NAPRT: variants seen among roughly 807,000 people sequenced by gnomAD.
NAPRT encodes nicotinate phosphoribosyltransferase, also known as FHA-HIT-interacting protein.
In NAPRT, 66 loss-of-function variants were observed where a neutral mutation model predicts 60.7. That is an observed-to-expected ratio of 1.09 (90% CI 0.89 to 1.33). The LOEUF is 1.33. Ranked by LOEUF, NAPRT falls within the 40% of genes most tolerant of loss-of-function variation. The pLI is 0.00. For missense variants in NAPRT, 818 were observed against 731.5 expected (o/e 1.12, Z -1.36); for synonymous variants, 405 against 335.7 (o/e 1.21, Z -2.26).
chr8:143,575,162 G>A, intron 11 of NAPRT, 29 bp downstream of exon 11: 1 of 1,592,632 alleles, frequency 6.3e-7, no homozygotes, highest in Non-Finnish European at 8.5e-7. Context: ...CGGGGCTGGG[G>A]GTCAGGATGA....
Position 143,577,137 on chromosome 8 carries a change from T to TC in NAPRT, c.608dup (p.Gly204ArgfsTer24), listed in dbSNP as rs1246440590. On this transcript the variant is annotated frameshift_variant, in exon 5 of 13. Coordinates refer to ENST00000449291, the MANE Select transcript of NAPRT (RefSeq NM_145201.6). LOFTEE classifies it high-confidence loss of function. ...CCAGGGTCCCGGCCACCGGCACACC[T>TC]CGCAGCTGGCCCGCTAGCACGTTGC... 11 of 1,612,762 alleles carry TC rather than the reference T, an allele frequency of 6.8e-6. No homozygotes were observed. The African/African-American group carries it at 1.3e-4, about 20-fold the overall frequency.
chr8:143,578,014 G>C lies in NAPRT; in HGVS notation c.227-71C>G, dbSNP rs1483460795. ...GTCGTGGGACATGGGGGGTTCCACG[G>C]GGGGACAAGGACTTCCACCGGCCAT... On this transcript the variant is annotated intron_variant, in intron 1 of 12. Transcript: ENST00000449291. 3.2e-6 allele frequency: 5 copies of C among 1,544,234 alleles called. No homozygotes were observed. In the African/African-American group the frequency reaches 4.1e-5, roughly 13 times the overall value.
At position 143,578,154 on chromosome 8, in the gene NAPRT, G is replaced by A. The variant is rs757799544; in HGVS notation, c.165C>T (p.Ala55=). 4.6e-6 allele frequency: 7 copies of A among 1,520,950 alleles called. No individual in the cohort carries two copies. The highest frequency in any genetic ancestry group is 1.9e-4 in the Middle Eastern group (1 of 5,148). The allele number at this position is 1,520,950 out of a possible 1,614,324, so 94.2% of individuals were successfully genotyped here. A position where few individuals can be genotyped will look rare whatever the true frequency, so the allele number is the denominator to read the frequency against. ...FRRCPFGGAF[A]LAAGLRDCVR... ...CACAGTCGCGCAAGCCGGCGGCCAA[G>A]GCGAAGGCGCCGCCGAACGGGCAGC... is the stretch of plus-strand genomic sequence containing the variant. Residue 55 remains alanine (A), a synonymous_variant, in exon 1 of 13, where the codon GCC becomes GCT. Coordinates refer to ENST00000449291, the MANE Select transcript of NAPRT (RefSeq NM_145201.6).
intron 6 of NAPRT, 27 bp from the exon 7 acceptor site, chr8:143,576,599 G>GGCTGCTGAGGT (rs777289703): frequency 1.2e-5 from 20 of 1,606,096 alleles, no homozygotes; most frequent in Middle Eastern, 1.7e-4. Flanking sequence ...GGGAGTCAGA[G>GGCTGCTGAGGT]GCTGCTGAGG....
Position 143,575,438 on chromosome 8 carries a change from G to C in NAPRT, c.1276C>G (p.Leu426Val). Reference protein sequence around the residue: ...TLPGSKAAFRLLGSDGSPLMD... With the variant: ...TLPGSKAAFRVLGSDGSPLMD... Reference sequence around the variant, plus strand: ...AGGGCCTCACCGTCAGAGCCCAGGAGCCGGAAAGCAGCCTTGCTCCCAGGC... The same window carrying C: ...AGGGCCTCACCGTCAGAGCCCAGGACCCGGAAAGCAGCCTTGCTCCCAGGC... Residue 426 changes from leucine to valine, a missense_variant, in exon 10 of 13, where the codon CTC (leucine) becomes GTC (valine). Leu to Val is a conservative substitution (Grantham distance 32). Coordinates refer to ENST00000449291, the MANE Select transcript of NAPRT (RefSeq NM_145201.6). The C allele has an allele frequency of 1.3e-5, 21 of 1,591,290 alleles. No homozygotes were observed. Among genetic ancestry groups the C allele is most frequent in the East Asian group, 2.3e-5 (1 of 44,186 alleles).
At chr8:143,576,274 C>CT in intron 7 of NAPRT, 112 bp from the exon 8 acceptor site, 1 of 1,377,342 alleles carries the variant, frequency 7.3e-7, no homozygotes. Flanking sequence ...TGCTCACCTT[C>CT]TGCTTGGGAG....
At position 143,577,375 on chromosome 8, in the gene NAPRT, C is replaced by A; in HGVS notation, c.462G>T (p.Arg154=). Residue 154 remains arginine, a synonymous_variant, in exon 4 of 13, where the codon CGG becomes CGT. Transcript: ENST00000449291. ...YASLVATNAA[R]LRLIAGPEKR... Reference sequence around the variant, plus strand: ...TCTCTGGCCCTGCGATCAAGCGAAGCCGCGCTGCGTTGGTGGCCACCAGGC... The same window carrying A: ...TCTCTGGCCCTGCGATCAAGCGAAGACGCGCTGCGTTGGTGGCCACCAGGC... The A allele has an allele frequency of 6.2e-7, 1 of 1,607,998 alleles. No homozygotes were observed. The highest frequency in any genetic ancestry group is 1.1e-5 in the South Asian group (1 of 90,086).
chr8:143,575,856 G>T (rs1213979000), intron 8 of NAPRT, among the ~76,000 whole-genome samples, 154 bp from the exon 9 acceptor site: 1 of 136,546 alleles, frequency 7.3e-6, no homozygotes, highest in Non-Finnish European at 1.5e-5. Context: ...CCCTAGGTGG[G>T]GAAGGAGGTG....
Position 143,574,988 on chromosome 8 carries a change from G to C in NAPRT, c.1552C>G (p.Gln518Glu), listed in dbSNP as rs759542055. 1 of 1,541,456 alleles carries C rather than the reference G, an allele frequency of 6.5e-7. No homozygotes were observed. The highest frequency in any genetic ancestry group is 2.0e-5 in the Admixed American group (1 of 50,384). Reference sequence around the variant, plus strand: ...GACAGGGTGGGCCTCCCCCCAACCTGGTACTGTGCAGGGCTCCGCAGCCGC... The same window carrying C: ...GACAGGGTGGGCCTCCCCCCAACCTCGTACTGTGCAGGGCTCCGCAGCCGC... ...HRRLRSPAQY[Q>E]VVLSERLQAL... The change falls in exon 12 of 13, where the codon CAG becomes GAG. Residue 518 changes from glutamine (Q) to glutamate (E), a missense_variant and splice_region_variant. By Grantham distance (29) the Gln-to-Glu change is conservative. Transcript: ENST00000449291.
chr8:143,574,578 A>T, downstream of NAPRT: 1 of 599,280 alleles, frequency 1.7e-6, no homozygotes, highest in Non-Finnish European at 3.0e-6. Context: ...CTGACTCCCC[A>T]CAGCCTACCC....
chr8:143,573,291 G>A (rs1824188473), downstream of NAPRT, among the ~76,000 whole-genome samples: 1 of 152,224 alleles, frequency 6.6e-6, no homozygotes, highest in South Asian at 2.1e-4. Flanking sequence ...GGTGTGGAGG[G>A]GGCAGTGAAG....
chr8:143,575,772 TGG>T, intron 8 of NAPRT, 70 bp from the exon 9 acceptor site: 1 of 407,184 alleles, frequency 2.5e-6, no homozygotes, highest in Non-Finnish European at 3.2e-6. Flanking sequence ...CTGCCCTGGG[TGG>T]GGAAGGAGGT....
chr8:143,578,068 G>C lies in NAPRT; in HGVS notation c.226+25C>G, dbSNP rs758641479. On this transcript the variant is annotated intron_variant, in intron 1 of 12. Coordinates refer to ENST00000449291, the MANE Select transcript of NAPRT (RefSeq NM_145201.6). ...TGGGGGTTTCTGCCGGGCGTGGGGG[G>C]CTCGTCGCGCGGACGGGGGACTACC... The C allele has an allele frequency of 1.3e-5, 20 of 1,489,108 alleles. No homozygotes were observed. In the African/African-American group the frequency reaches 2.4e-4, roughly 18 times the overall value. 92.2% of individuals were successfully genotyped at this position (1,489,108 alleles called of 1,614,324 possible).
Position 143,577,298 on chromosome 8 carries a change from A to G in NAPRT, c.539T>C (p.Leu180Pro), listed in dbSNP as rs1320688796. ...CAGGTAGCTGTAGGTGGAGGCTGTC[A>G]GGCCCCCATCGGGGCCCTGAGCCCG... ...LRRAQGPDGG[L>P]TASTYSYLGG... The change falls in exon 4 of 13, where the codon CTG (leucine) becomes CCG (proline). Residue 180 changes from leucine to proline, a missense_variant. Transcript: ENST00000449291. 1 of 1,607,574 alleles carries G rather than the reference A, an allele frequency of 6.2e-7. No individual in the cohort carries two copies. The highest frequency in any genetic ancestry group is 1.7e-5 in the Admixed American group (1 of 59,322).
rs769884687 is a variant in NAPRT at position 143,575,262 on chromosome 8, C to T, written c.1375G>A (p.Ala459Thr). 4.3e-6 allele frequency: 7 copies of T among 1,612,462 alleles called. No homozygotes were observed. Among genetic ancestry groups the T allele is most frequent in the East Asian group, 2.2e-5 (1 of 44,892 alleles). ...GGCCTCACGGTGCAGGGCTCCTGGG[C>T]CCCTGGAGGCCACACCCTCAGCTCC... ...GQELRVWPPG[A>T]QEPCTVRPAQ... Residue 459 changes from alanine to threonine, a missense_variant, in exon 11 of 13, where the codon GCC becomes ACC. Coordinates refer to ENST00000449291, the MANE Select transcript of NAPRT (RefSeq NM_145201.6).
rs1162213726 is a variant in NAPRT at position 143,574,809 on chromosome 8, G to A, written c.*29C>T. The A allele has an allele frequency of 1.3e-6, 2 of 1,550,484 alleles. No homozygotes were observed. Among genetic ancestry groups the A allele is most frequent in the South Asian group, 1.2e-5 (1 of 84,064 alleles). On this transcript the variant is annotated 3_prime_UTR_variant, in exon 13 of 13. Coordinates refer to ENST00000449291, the MANE Select transcript of NAPRT (RefSeq NM_145201.6). The stretch of plus-strand genomic sequence containing the variant: ...CTGTGGGGAAAAGTGAGTGATTCGT[G>A]TTGTTTCCAGTCAGCCCCGCTCCGA...
chr8:143,577,790 C>T, intron 2 of NAPRT, 26 bp downstream of exon 2: 2 of 1,585,228 alleles, frequency 1.3e-6, no homozygotes, highest in Non-Finnish European at 1.7e-6. Flanking sequence ...CCGTGGCCGC[C>T]GCGCCGCCCG....
rs1824576994 is a variant in NAPRT, at chr8:143,577,716, C to T, written c.378G>A (p.Gly126=). 3 of 1,546,654 alleles carry T rather than the reference C, an allele frequency of 1.9e-6. No homozygotes were observed. Among genetic ancestry groups the T allele is most frequent in the Non-Finnish European group, 2.6e-6 (3 of 1,148,916 alleles). ...CCAGCAGCTGCACCACCAGGAGCGG[C>T]CCGGACACCTGCAGGAGCGGCACCT... ...FPGVPLLQVS[G]PLLVVQLLET... Residue 126 remains glycine, a synonymous_variant, in exon 3 of 13, where the codon GGG becomes GGA. Transcript: ENST00000449291.
chr8:143,576,603 G>C, intron 6 of NAPRT, 31 bp from the exon 7 acceptor site: 1 of 1,606,084 alleles, frequency 6.2e-7, no homozygotes, highest in Middle Eastern at 1.7e-4. Context: ...GTCAGAGGCT[G>C]CTGAGGTTCT....
Sources: allele counts gnomAD v4.1 joint callset (sites outside exome capture counted in the v4.1 genomes callset), GRCh38; gene constraint gnomAD v4.1.1; transcripts MANE v1.5; gene names NCBI Gene and HGNC (gene_info 2026-07-23, HGNC 2026-07-21).